The following RAP1A variants were observed in gnomAD, a reference collection of about 807,000 sequenced individuals.
The protein encoded by RAP1A is ras-related protein Rap-1A.
Under a neutral mutation model 26.4 loss-of-function variants are expected in RAP1A, and 6 were observed. That is an observed-to-expected ratio of 0.23 (90% CI 0.12 to 0.45). The LOEUF (loss-of-function observed/expected upper bound fraction) is 0.45, where lower values mean the gene tolerates loss of function less well. RAP1A is among the 20% of genes least tolerant of loss of function. The pLI, the probability that RAP1A is intolerant of heterozygous loss-of-function variation, is 0.99. For synonymous variants in RAP1A, 73 were observed against 79.4 expected (o/e 0.92, Z 0.43); for missense variants, 121 against 217.2 (o/e 0.56, Z 2.78).
intron 1 of RAP1A, among the ~76,000 whole-genome samples, chr1:111,557,186 G>A (rs759199029): frequency 2.8e-4 from 42 of 152,054 alleles, no homozygotes; most frequent in Non-Finnish European, 5.6e-4. Flanking sequence ...GAAGGCAGAT[G>A]GAAAAGCATC....
intron 1 of RAP1A, among the ~76,000 whole-genome samples, chr1:111,542,725 C>A (rs1258473517): frequency 6.6e-6 from 1 of 151,498 alleles, no homozygotes; most frequent in South Asian, 2.1e-4. Context: ...GAGATGGAGT[C>A]TCACCCTGTC....
chr1:111,595,314 T>C (rs1658545662), intron 1 of RAP1A, among the ~76,000 whole-genome samples: 1 of 152,190 alleles, frequency 6.6e-6, no homozygotes, highest in African/African-American at 2.4e-5. Context: ...AGGGAGGTAC[T>C]AGTACAGATT....
intron 1 of RAP1A, among the ~76,000 whole-genome samples, chr1:111,657,387 T>C (rs1433447064): frequency 1.3e-5 from 2 of 152,226 alleles, no homozygotes; most frequent in African/African-American, 4.8e-5. Context: ...GATCTCATTA[T>C]GTATATACAG....
At chr1:111,648,869 T>C in intron 1 of RAP1A, 2 of 778,204 alleles carry the variant, frequency 2.6e-6, no homozygotes, top group Non-Finnish European at 4.5e-6. Flanking sequence ...TGGGGGCATC[T>C]GCCTCCATGG....
At chr1:111,542,779 C>G (rs1006268899) in intron 1 of RAP1A, among the ~76,000 whole-genome samples, 4 of 152,134 alleles carry the variant, frequency 2.6e-5, no homozygotes, top group Non-Finnish European at 5.9e-5. Context: ...TCACTGAAAC[C>G]TCCGCCTCCC....
At chr1:111,597,935 A>G (rs1245570141) in intron 1 of RAP1A, among the ~76,000 whole-genome samples, 4 of 152,254 alleles carry the variant, frequency 2.6e-5, no homozygotes, top group African/African-American at 9.6e-5. Flanking sequence ...GTAAATAATT[A>G]TAAGACAGCA....
At chr1:111,673,068 C>A (rs527968631) in intron 1 of RAP1A, among the ~76,000 whole-genome samples, 2 of 152,262 alleles carry the variant, frequency 1.3e-5, no homozygotes, top group Non-Finnish European at 2.9e-5. Context: ...TTTTGTTCGG[C>A]ACTCTCTGGT....
At chr1:111,659,221 T>G (rs1406122793) in intron 1 of RAP1A, among the ~76,000 whole-genome samples, 1 of 152,228 alleles carries the variant, frequency 6.6e-6, no homozygotes, top group Non-Finnish European at 1.5e-5. Context: ...ACTGTATTTT[T>G]TCCTGTACAT....
At chr1:111,609,827 G>T (rs1238982516) in intron 1 of RAP1A, among the ~76,000 whole-genome samples, 1 of 152,064 alleles carries the variant, frequency 6.6e-6, no homozygotes, top group East Asian at 1.9e-4. Context: ...GTAGAGATGG[G>T]TTTCACCTTG....
At chr1:111,650,988 C>G (rs473401) in intron 1 of RAP1A, among the ~76,000 whole-genome samples, 42,270 of 151,664 alleles carry the variant, frequency 0.28, 6,578 homozygotes, top group African/African-American at 0.43. Flanking sequence ...ATTTTTAGTA[C>G]AGATGGAGTT....
At chr1:111,593,014 G>C (rs963096676) in intron 1 of RAP1A, among the ~76,000 whole-genome samples, 3 of 152,088 alleles carry the variant, frequency 2.0e-5, no homozygotes, top group Non-Finnish European at 2.9e-5. Flanking sequence ...CCAGAGAGAG[G>C]GAGAGAGAGA....
At chr1:111,651,059 C>T (rs2101135804) in intron 1 of RAP1A, among the ~76,000 whole-genome samples, 1 of 152,254 alleles carries the variant, frequency 6.6e-6, no homozygotes, top group Admixed American at 6.5e-5. Context: ...GCCTCGGCCT[C>T]CCAAAGTGCT....
At chr1:111,693,639 G>C (rs1294667544) in intron 2 of RAP1A, among the ~76,000 whole-genome samples, 1 of 152,188 alleles carries the variant, frequency 6.6e-6, no homozygotes, top group African/African-American at 2.4e-5. Context: ...ATTTTTGCAA[G>C]TCTTATTAAT....
intron 1 of RAP1A, among the ~76,000 whole-genome samples, chr1:111,668,889 G>T (rs192292061): frequency 5.3e-4 from 81 of 152,020 alleles, no homozygotes; most frequent in African/African-American, 1.7e-3. Flanking sequence ...AATTAGCTGG[G>T]CATGGTGGTG....
At chr1:111,654,229 T>G (rs894697054) in intron 1 of RAP1A, among the ~76,000 whole-genome samples, 3 of 152,174 alleles carry the variant, frequency 2.0e-5, no homozygotes, top group Admixed American at 2.0e-4. Flanking sequence ...TTTGCCATCT[T>G]TTTTATTTTT....
intron 1 of RAP1A, among the ~76,000 whole-genome samples, chr1:111,664,803 T>C (rs951965776): frequency 1.3e-5 from 2 of 152,342 alleles, no homozygotes; most frequent in East Asian, 3.9e-4. Flanking sequence ...TATGTGACTT[T>C]GGGGATATTA....
At chr1:111,635,243 G>C (rs1012487390) in intron 1 of RAP1A, among the ~76,000 whole-genome samples, 1 of 152,168 alleles carries the variant, frequency 6.6e-6, no homozygotes, top group African/African-American at 2.4e-5. Flanking sequence ...TTCTAACTCA[G>C]ATTTGCTTCA....
At chr1:111,653,945 T>C (rs1162359952) in intron 1 of RAP1A, among the ~76,000 whole-genome samples, 1 of 152,130 alleles carries the variant, frequency 6.6e-6, no homozygotes, top group East Asian at 1.9e-4. Flanking sequence ...CAAGATATTA[T>C]TTTGACATAA....
chr1:111,649,988 A>G (rs1660210157), intron 1 of RAP1A, among the ~76,000 whole-genome samples: 1 of 151,912 alleles, frequency 6.6e-6, no homozygotes, highest in Non-Finnish European at 1.5e-5. Flanking sequence ...GAGTATGAAG[A>G]CCCAGAGAAC....
Sources: allele counts gnomAD v4.1 joint callset (sites outside exome capture counted in the v4.1 genomes callset), GRCh38; gene constraint gnomAD v4.1.1; transcripts MANE v1.5; gene names NCBI Gene and HGNC (gene_info 2026-07-23, HGNC 2026-07-21).